Variants in C10orf90 observed in about 807,000 individuals in gnomAD.
C10orf90 encodes chromosome 10 open reading frame 90.
A neutral mutation model predicts 62.5 loss-of-function variants in C10orf90; 56 were observed. The ratio of observed to expected loss-of-function variants is 0.90; its 90% CI spans 0.72 to 1.12. C10orf90 has a LOEUF of 1.12. C10orf90 is among the 50% of genes most tolerant of loss of function. The pLI is 0.00. For missense variants in C10orf90, 970 were observed against 880.4 expected, an observed-to-expected ratio of 1.10 and a Z score of -1.29; for synonymous variants, 386 against 340.4, an observed-to-expected ratio of 1.13 and a Z score of -1.47.
At chr10:126,433,299 G>A (rs1857699692) in intron 7 of C10orf90, among the ~76,000 whole-genome samples, 1 of 152,120 alleles carries the variant, frequency 6.6e-6, no homozygotes, top group Non-Finnish European at 1.5e-5. Flanking sequence ...AGGTAAATAA[G>A]GCCTTTAGAT....
At chr10:126,652,008 A>G (rs1215398777) in intron 1 of C10orf90, among the ~76,000 whole-genome samples, 4 of 152,188 alleles carry the variant, frequency 2.6e-5, no homozygotes, top group Non-Finnish European at 5.9e-5. Context: ...TGGGGATGGT[A>G]TGATAGGTAC....
intron 2 of C10orf90, among the ~76,000 whole-genome samples, chr10:126,617,846 A>G (rs1845571964): frequency 6.6e-6 from 1 of 152,228 alleles, no homozygotes; most frequent in Non-Finnish European, 1.5e-5. Flanking sequence ...TGCCATTATG[A>G]GAATAGATTA....
At position 126,476,908 on chromosome 10, in the gene C10orf90, C is replaced by CTTTTT. The variant is rs10590718; in HGVS notation, c.1535-11927_1535-11923dup. The stretch of plus-strand genomic sequence containing the variant: ...GGAAAATCAATGTATCACCATTTTC[C>CTTTTT]TTTTTTTTTTTTTTTTTTTGAGGGG... On this transcript the variant is annotated intron_variant, in intron 4 of 9. Transcript: ENST00000488181. Among the ~76,000 whole-genome samples, 53 of 120,762 alleles carry CTTTTT rather than the reference C, an allele frequency of 4.4e-4. No homozygotes were observed. In the East Asian group the frequency reaches 8.3e-3, roughly 19 times the overall value. The allele number at this position is 120,762 out of a possible 152,430, so 79.2% of individuals were successfully genotyped here. A position where few individuals can be genotyped will look rare whatever the true frequency, so the allele number is the denominator to read the frequency against.
intron 2 of C10orf90, among the ~76,000 whole-genome samples, chr10:126,534,897 A>T (rs1236325117): frequency 6.6e-6 from 1 of 151,946 alleles, no homozygotes; most frequent in African/African-American, 2.4e-5. Flanking sequence ...TGGAGGTCAC[A>T]CTCACTCCAT....
chr10:126,642,677 T>C (rs1846089542), intron 2 of C10orf90, among the ~76,000 whole-genome samples: 1 of 152,168 alleles, frequency 6.6e-6, no homozygotes, highest in African/African-American at 2.4e-5. Context: ...ATCTCAGCCA[T>C]TCTCATGGTT....
chr10:126,518,067 T>C lies in C10orf90; in HGVS notation c.314-4128A>G, dbSNP rs1023616491. On this transcript the variant is annotated intron_variant, in intron 2 of 9. Coordinates refer to ENST00000488181, the MANE Select transcript of C10orf90 (RefSeq NM_001350921.2). Reference sequence around the variant, plus strand: ...TTTCCCTCACTCTTGTATGTTTTTTTTTTTCCTGAAGAGCAGCCCAGCCCC... The same window carrying C: ...TTTCCCTCACTCTTGTATGTTTTTTCTTTTCCTGAAGAGCAGCCCAGCCCC... 4.5e-4 allele frequency among the ~76,000 whole-genome samples: 69 copies of C among 152,160 alleles called. 1 individual carries two copies. Among genetic ancestry groups the C allele is most frequent in the African/African-American group, 1.3e-3 (55 of 41,514 alleles).
intron 2 of C10orf90, among the ~76,000 whole-genome samples, chr10:126,608,285 A>AT (rs1446705736): frequency 6.6e-6 from 1 of 151,826 alleles, no homozygotes; most frequent in Non-Finnish European, 1.5e-5. Flanking sequence ...ATTTTGTTTA[A>AT]TTTTTTTGTA....
At chr10:126,502,199 C>T (rs1404203097) in intron 4 of C10orf90, among the ~76,000 whole-genome samples, 1 of 152,102 alleles carries the variant, frequency 6.6e-6, no homozygotes, top group East Asian at 1.9e-4. Flanking sequence ...CAGAATTCAC[C>T]ACTGTAAAAT....
chr10:126,493,134 T>C (rs915727259), intron 4 of C10orf90, among the ~76,000 whole-genome samples: 2 of 150,150 alleles, frequency 1.3e-5, no homozygotes, highest in African/African-American at 2.4e-5. Flanking sequence ...CAAAACAGTA[T>C]GTATTTTGCA....
chr10:126,441,661 A>G (rs1052577192), intron 7 of C10orf90, among the ~76,000 whole-genome samples: 2 of 152,190 alleles, frequency 1.3e-5, no homozygotes, highest in African/African-American at 4.8e-5. Flanking sequence ...ATAAAGGAAA[A>G]TTTATCAGAT....
chr10:126,534,107 T>G (rs557030711), intron 2 of C10orf90, among the ~76,000 whole-genome samples: 1 of 152,340 alleles, frequency 6.6e-6, no homozygotes, highest in African/African-American at 2.4e-5. Context: ...CCCTTGGAAC[T>G]GCCAGCCCTT....
At chr10:126,551,529 G>GA (rs945650882) in intron 2 of C10orf90, among the ~76,000 whole-genome samples, 25 of 150,770 alleles carry the variant, frequency 1.7e-4, no homozygotes, top group Middle Eastern at 3.4e-3. Context: ...GTGAGTGTGG[G>GA]AAAAAAAAAT....
chr10:126,616,195 T>C (rs1214641155), intron 2 of C10orf90, among the ~76,000 whole-genome samples: 1 of 152,172 alleles, frequency 6.6e-6, no homozygotes, highest in Non-Finnish European at 1.5e-5. Flanking sequence ...AATAAACTGG[T>C]TCTGCAAATG....
chr10:126,655,154 A>G (rs1324293067), intron 1 of C10orf90, among the ~76,000 whole-genome samples: 2 of 152,080 alleles, frequency 1.3e-5, no homozygotes, highest in Non-Finnish European at 2.9e-5. Flanking sequence ...CCCCGTCTCT[A>G]CTAAAATACA....
intron 2 of C10orf90, among the ~76,000 whole-genome samples, chr10:126,629,946 C>T (rs956237873): frequency 1.3e-5 from 2 of 152,198 alleles, no homozygotes; most frequent in African/African-American, 2.4e-5. Flanking sequence ...AGACAAGCCT[C>T]CCTTTTACAT....
chr10:126,592,277 C>T (rs1033884662), intron 2 of C10orf90, among the ~76,000 whole-genome samples: 1 of 152,148 alleles, frequency 6.6e-6, no homozygotes, highest in Non-Finnish European at 1.5e-5. Context: ...GGAGGCATCA[C>T]ACTACCCAAC....
At chr10:126,444,772 T>C (rs1858635523) in intron 7 of C10orf90, among the ~76,000 whole-genome samples, 1 of 152,132 alleles carries the variant, frequency 6.6e-6, no homozygotes, top group South Asian at 2.1e-4. Flanking sequence ...TTTCAAACTA[T>C]ACTATAAGGC....
intron 2 of C10orf90, among the ~76,000 whole-genome samples, chr10:126,525,884 G>A (rs1004806469): frequency 6.6e-6 from 1 of 152,122 alleles, no homozygotes; most frequent in East Asian, 1.9e-4. Flanking sequence ...GGAGCAAGGA[G>A]CCCTGCACTG....
intron 1 of C10orf90, among the ~76,000 whole-genome samples, chr10:126,654,787 A>G (rs1289194448): frequency 1.3e-5 from 2 of 152,150 alleles, no homozygotes; most frequent in African/African-American, 4.8e-5. Context: ...CTAGCTTTTG[A>G]TTTAAAGCAA....
Sources: allele counts gnomAD v4.1 joint callset (sites outside exome capture counted in the v4.1 genomes callset), GRCh38; gene constraint gnomAD v4.1.1; transcripts MANE v1.5; gene names NCBI Gene and HGNC (gene_info 2026-07-23, HGNC 2026-07-21).